The following TP63 variants were observed in gnomAD, a reference collection of about 807,000 sequenced individuals.
The protein encoded by TP63 is tumor protein 63.
Under a neutral mutation model 82.8 loss-of-function variants are expected in TP63, and 17 were observed. The observed-to-expected ratio is 0.21, with a 90% CI of 0.14 to 0.31. The LOEUF is 0.31. TP63 is among the 10% of genes least tolerant of loss of function. TP63 has a pLI of 1.00. For synonymous variants in TP63, 330 were observed against 321.7 expected (o/e 1.03, Z -0.28); for missense variants, 648 against 895.3 (o/e 0.72, Z 3.52).
the TP63 span, among the ~76,000 whole-genome samples, chr3:189,608,505 A>G: frequency 2.0e-5 from 3 of 152,196 alleles, no homozygotes; most frequent in Non-Finnish European, 4.4e-5. Context: ...AGGGCATTAG[A>G]TAACAACAGA....
intron 5 of TP63, among the ~76,000 whole-genome samples, chr3:189,865,178 G>A (rs1009248670): frequency 4.6e-4 from 70 of 151,874 alleles, no homozygotes; most frequent in African/African-American, 1.6e-3. Flanking sequence ...CCAAATGAAA[G>A]AAATAATGAA....
chr3:189,844,627 G>A (rs745728897), intron 4 of TP63, among the ~76,000 whole-genome samples: 4 of 152,034 alleles, frequency 2.6e-5, no homozygotes, highest in Admixed American at 2.6e-4. Context: ...TATCTTTCTC[G>A]ATATGAAATT....
chr3:189,647,952 G>A (rs1437191256), intron 1 of TP63, among the ~76,000 whole-genome samples: 2 of 142,838 alleles, frequency 1.4e-5, no homozygotes, highest in Middle Eastern at 3.3e-3. Flanking sequence ...GATATAGACT[G>A]TATTTCGTAA....
chr3:189,626,337 T>A, the TP63 span, among the ~76,000 whole-genome samples: 13,983 of 152,228 alleles, frequency 0.092, 876 homozygotes, highest in East Asian at 0.2. Context: ...TCTCTTCAAT[T>A]TGAGCAATAG....
chr3:189,610,671 C>G, the TP63 span, among the ~76,000 whole-genome samples: 1 of 152,226 alleles, frequency 6.6e-6, no homozygotes, highest in East Asian at 1.9e-4. Context: ...GTTCCAACTT[C>G]TGCCTGTTGC....
At chr3:189,740,069 G>C (rs1300052325) in intron 3 of TP63, among the ~76,000 whole-genome samples, 2 of 152,146 alleles carry the variant, frequency 1.3e-5, no homozygotes, top group East Asian at 3.9e-4. Context: ...AAAACAGAAA[G>C]TTATAACTCT....
At position 189,737,749 on chromosome 3, in the gene TP63, A is replaced by C; in HGVS notation, c.72A>C (p.Glu24Asp). 6.2e-7 allele frequency: 1 copy of C among 1,613,858 alleles called. No individual in the cohort carries two copies. The highest frequency in any genetic ancestry group is 8.5e-7 in the Non-Finnish European group (1 of 1,179,854). Reference protein sequence around the residue: ...CPDPYIQRFVETPAHFSWKES... With the variant: ...CPDPYIQRFVDTPAHFSWKES... ...TTTTTGTCCTTTTAAGTTTCGTAGA[A>C]ACCCCAGCTCATTTCTCTTGGAAAG... The change falls in exon 2 of 14, where the codon GAA becomes GAC. Residue 24 changes from glutamate to aspartate, a missense_variant. Glu to Asp is a conservative substitution (Grantham distance 45, BLOSUM62 2). Transcript: ENST00000264731.
intron 1 of TP63, among the ~76,000 whole-genome samples, chr3:189,657,615 A>T (rs1172742506): frequency 6.6e-6 from 1 of 152,148 alleles, no homozygotes; most frequent in Non-Finnish European, 1.5e-5. Flanking sequence ...AAACAAATGG[A>T]TGGTACATGG....
chr3:189,622,297 C>A, the TP63 span, among the ~76,000 whole-genome samples: 1 of 152,160 alleles, frequency 6.6e-6, no homozygotes, highest in East Asian at 1.9e-4. Context: ...ACGTAGGACT[C>A]TGAGATTTTT....
In TP63 at chr3:189,866,672, T is replaced by C. The variant is rs772215344; in HGVS notation, c.767-10T>C. 6.2e-7 allele frequency: 1 copy of C among 1,612,030 alleles called. No homozygotes were observed. Among genetic ancestry groups the C allele is most frequent in the Non-Finnish European group, 8.5e-7 (1 of 1,178,160 alleles). On this transcript the variant is annotated splice_polypyrimidine_tract_variant and intron_variant, in intron 5 of 13. Coordinates refer to ENST00000264731, the MANE Select transcript of TP63 (RefSeq NM_003722.5). ...AAGAACTAACTCTTTTATTGTTTTC[T>C]GCTCTGCAGGACAGATTGCCCCTCC...
At chr3:189,772,496 A>G (rs140507268) in intron 3 of TP63, among the ~76,000 whole-genome samples, 171 of 152,310 alleles carry the variant, frequency 1.1e-3, no homozygotes, top group African/African-American at 4.0e-3. Context: ...GAGACTAGCA[A>G]ACTTTTTTAG....
intron 12 of TP63, among the ~76,000 whole-genome samples, chr3:189,890,159 G>A (rs916617773): frequency 1.3e-5 from 2 of 152,128 alleles, no homozygotes; most frequent in African/African-American, 4.8e-5. Flanking sequence ...TTGGCTACTG[G>A]AACGATTTGT....
At chr3:189,737,995 C>T (rs1720719186) in intron 2 of TP63, 127 bp downstream of exon 2, 2 of 1,101,332 alleles carry the variant, frequency 1.8e-6, no homozygotes, top group African/African-American at 1.6e-5. Flanking sequence ...AAGTTAATGA[C>T]TCCAATGCCA....
At chr3:189,694,370 C>T (rs1717178997) in intron 1 of TP63, among the ~76,000 whole-genome samples, 1 of 152,066 alleles carries the variant, frequency 6.6e-6, no homozygotes, top group Non-Finnish European at 1.5e-5. Flanking sequence ...TTCTTTGTTT[C>T]ACCTAAGTGT....
intron 3 of TP63, among the ~76,000 whole-genome samples, chr3:189,751,045 C>T (rs1721783112): frequency 6.6e-6 from 1 of 152,112 alleles, no homozygotes; most frequent in Non-Finnish European, 1.5e-5. Flanking sequence ...GTTCAGTTCC[C>T]ACCTATGAGT....
At chr3:189,688,954 G>C (rs1005382710) in intron 1 of TP63, among the ~76,000 whole-genome samples, 3 of 152,084 alleles carry the variant, frequency 2.0e-5, no homozygotes, top group Admixed American at 1.3e-4. Flanking sequence ...CAGCGACTAA[G>C]TCCCAGAGAG....
Position 189,817,749 on chromosome 3 carries a change from T to C in TP63, c.579+9223T>C, listed in dbSNP as rs78145963. Among the ~76,000 whole-genome samples, 1,058 of 152,144 alleles carry C rather than the reference T, an allele frequency of 7.0e-3. 12 individuals are homozygous for C. Among genetic ancestry groups the C allele is most frequent in the African/African-American group, 0.024 (1,015 of 41,564 alleles). Reference sequence around the variant, plus strand: ...AAAATTACACATAATTTTTTTCTGATGTAAAAGAGTTTCTTCTTAAAAAAT... The same window carrying C: ...AAAATTACACATAATTTTTTTCTGACGTAAAAGAGTTTCTTCTTAAAAAAT... On this transcript the variant is annotated intron_variant, in intron 4 of 13. Transcript: ENST00000264731.
chr3:189,759,245 G>C (rs1722395948), intron 3 of TP63, among the ~76,000 whole-genome samples: 1 of 152,224 alleles, frequency 6.6e-6, no homozygotes, highest in Admixed American at 6.5e-5. Flanking sequence ...TACTGAATCA[G>C]AAACTGGAGG....
chr3:189,711,542 C>T (rs1283762101), intron 1 of TP63, among the ~76,000 whole-genome samples: 2 of 152,078 alleles, frequency 1.3e-5, no homozygotes, highest in Non-Finnish European at 2.9e-5. Context: ...GGAGACATTT[C>T]AAGGAGGAAG....
Sources: gnomAD v4.1 joint callset for allele counts (sites outside exome capture counted in the v4.1 genomes callset) on GRCh38, gnomAD v4.1.1 for gene constraint, MANE v1.5 for transcripts, NCBI Gene and HGNC (gene_info 2026-07-23, HGNC 2026-07-21) for gene names.